Variants in ANKS1B observed in about 807,000 individuals in gnomAD.
The protein encoded by ANKS1B is ankyrin repeat and sterile alpha motif domain containing 1B.
Under a neutral mutation model 148.3 loss-of-function variants are expected in ANKS1B, and 36 were observed. The ratio of observed to expected loss-of-function variants is 0.24; its 90% confidence interval spans 0.19 to 0.32. ANKS1B has a LOEUF of 0.32. ANKS1B is among the 10% of genes least tolerant of loss of function. The pLI, the probability that ANKS1B is intolerant of heterozygous loss-of-function variation, is 1.00. For synonymous variants in ANKS1B, 542 were observed against 560.8 expected (o/e 0.97, Z 0.47); for missense variants, 1,157 against 1,542.6 (o/e 0.75, Z 4.19).
At chr12:99,869,945 A>G (rs1206787260) in intron 1 of ANKS1B, among the ~76,000 whole-genome samples, 1 of 151,820 alleles carries the variant, frequency 6.6e-6, no homozygotes, top group African/African-American at 2.4e-5. Flanking sequence ...TGCTTTTTTT[A>G]TAATTTCAAC....
intron 12 of ANKS1B, among the ~76,000 whole-genome samples, chr12:99,322,079 T>C (rs867439156): frequency 2.6e-5 from 4 of 152,158 alleles, no homozygotes; most frequent in African/African-American, 9.7e-5. Context: ...GCAGCACTAT[T>C]TACAATAGCT....
At chr12:99,185,288 C>T (rs1195339012) in intron 14 of ANKS1B, among the ~76,000 whole-genome samples, 2 of 152,060 alleles carry the variant, frequency 1.3e-5, no homozygotes, top group African/African-American at 4.8e-5. Context: ...CGTTGAGCCT[C>T]AAAGGAATAA....
At chr12:98,917,004 T>C (rs2099795304) in intron 17 of ANKS1B, among the ~76,000 whole-genome samples, 1 of 149,390 alleles carries the variant, frequency 6.7e-6, no homozygotes, top group Non-Finnish European at 1.5e-5. Context: ...TCTGTCACCC[T>C]GGCTGGAGTG....
At chr12:99,708,042 A>C (rs1172278934) in intron 8 of ANKS1B, among the ~76,000 whole-genome samples, 1 of 152,136 alleles carries the variant, frequency 6.6e-6, no homozygotes, top group African/African-American at 2.4e-5. Flanking sequence ...GGGGGTCTGA[A>C]TCTGTCAGTG....
intron 2 of ANKS1B, among the ~76,000 whole-genome samples, chr12:99,819,544 G>A (rs1335597661): frequency 2.6e-5 from 4 of 151,578 alleles, no homozygotes; most frequent in African/African-American, 7.3e-5. Flanking sequence ...ACTTTAAAAG[G>A]TAGAAGAATA....
intron 25 of ANKS1B, among the ~76,000 whole-genome samples, chr12:98,759,703 C>A (rs2098355022): frequency 6.6e-6 from 1 of 152,158 alleles, no homozygotes; most frequent in African/African-American, 2.4e-5. Context: ...TATTAGAGGA[C>A]TGATTAAGTA....
chr12:99,860,004 T>A (rs1423146148), intron 1 of ANKS1B, among the ~76,000 whole-genome samples: 2 of 152,198 alleles, frequency 1.3e-5, no homozygotes, highest in Non-Finnish European at 2.9e-5. Context: ...TCTCAAGAAT[T>A]ACTACTTCTC....
intron 8 of ANKS1B, among the ~76,000 whole-genome samples, chr12:99,674,784 TAAAA>T (rs921768445): frequency 6.6e-6 from 1 of 151,744 alleles, no homozygotes; most frequent in Admixed American, 6.6e-5. Flanking sequence ...TTCATTTCAT[TAAAA>T]AAATTAACCC....
At chr12:98,766,438 A>C (rs1295051747) in intron 25 of ANKS1B, among the ~76,000 whole-genome samples, 3 of 152,160 alleles carry the variant, frequency 2.0e-5, no homozygotes, top group African/African-American at 7.2e-5. Context: ...CTTCTCTTTT[A>C]CCTGTAGGTT....
At chr12:99,542,096 C>A (rs1014865831) in intron 9 of ANKS1B, among the ~76,000 whole-genome samples, 1 of 151,968 alleles carries the variant, frequency 6.6e-6, no homozygotes, top group Non-Finnish European at 1.5e-5. Context: ...CAAACAGCAT[C>A]CAGATTGGAA....
chr12:99,712,867 C>T (rs2056823543), intron 8 of ANKS1B, among the ~76,000 whole-genome samples: 1 of 151,670 alleles, frequency 6.6e-6, no homozygotes, highest in Non-Finnish European at 1.5e-5. Flanking sequence ...AGGGTCCATC[C>T]TCTGGGCCCG....
chr12:99,884,314 A>G lies in ANKS1B; in HGVS notation c.135-58925T>C, dbSNP rs906985204. Among the ~76,000 whole-genome samples, 4 of 152,306 alleles carry G rather than the reference A, an allele frequency of 2.6e-5. No individual in the cohort carries two copies. The South Asian group carries it at 6.2e-4, about 24-fold the overall frequency. On this transcript the variant is annotated intron_variant, in intron 1 of 26. Coordinates refer to ENST00000683438, the MANE Select transcript of ANKS1B (RefSeq NM_001352186.2). ...TCTGAAACATTGCTGATGGGAATGTAATATTACAGCCACTTTGGAAAAGTT... is the reference window on the plus strand; with the variant it reads ...TCTGAAACATTGCTGATGGGAATGTGATATTACAGCCACTTTGGAAAAGTT...
Position 98,745,643 on chromosome 12 carries a change from T to G in ANKS1B, c.*96A>C. The G allele has an allele frequency of 1.3e-6, 2 of 1,536,210 alleles. No homozygotes were observed. Among genetic ancestry groups the G allele is most frequent in the African/African-American group, 1.4e-5 (1 of 72,508 alleles). ...CAAGGCCGCACGCTCAGAGCAGTCT[T>G]CCTCCTGGGCTGGGTGGACGCGGAG... On this transcript the variant is annotated 3_prime_UTR_variant, in exon 27 of 27. Transcript: ENST00000683438.
chr12:98,957,788 G>A (rs1207112383), intron 17 of ANKS1B, among the ~76,000 whole-genome samples: 1 of 152,070 alleles, frequency 6.6e-6, no homozygotes, highest in Non-Finnish European at 1.5e-5. Context: ...GTAGCTTGTG[G>A]GGGACTGATA....
intron 1 of ANKS1B, among the ~76,000 whole-genome samples, chr12:99,963,892 A>C (rs1025918883): frequency 7.9e-5 from 12 of 152,206 alleles, no homozygotes; most frequent in Non-Finnish European, 1.6e-4. Context: ...ACTTGCTGGA[A>C]TCCTTATCTC....
chr12:99,246,877 G>GGAA lies in ANKS1B; in HGVS notation c.1757-16_1757-14dup. 1 of 1,555,694 alleles carries GGAA rather than the reference G, an allele frequency of 6.4e-7. No homozygotes were observed. Among genetic ancestry groups the GGAA allele is most frequent in the Non-Finnish European group, 8.6e-7 (1 of 1,160,216 alleles). ...CGGGAGAGGTCATCTGCAAAAGGAA[G>GGAA]GAAGGGATATCAGGGTTTATAAAGG... is the stretch of plus-strand genomic sequence containing the variant. On this transcript the variant is annotated splice_polypyrimidine_tract_variant and intron_variant, in intron 12 of 26. Coordinates refer to ENST00000683438, the MANE Select transcript of ANKS1B (RefSeq NM_001352186.2).
rs2098639307 is a variant in ANKS1B at position 99,684,608 on chromosome 12, C to G, written c.1129-29398G>C. ...AATTTATATGGAGTCAAAAAAGAGC[C>G]TGCATAGCCAGAGCAAGACTACTCC... On this transcript the variant is annotated intron_variant, in intron 8 of 26. Transcript: ENST00000683438. Among the ~76,000 whole-genome samples the G allele has an allele frequency of 3.3e-5, 5 of 151,966 alleles. No homozygotes were observed. In the South Asian group the frequency reaches 1.0e-3, roughly 32 times the overall value.
chr12:99,536,803 G>A (rs2097073061), intron 9 of ANKS1B, among the ~76,000 whole-genome samples: 2 of 151,946 alleles, frequency 1.3e-5, no homozygotes. Context: ...GTAGAGTTAA[G>A]TTATAATTTA....
chr12:99,974,452 T>G (rs2095600807), intron 1 of ANKS1B, among the ~76,000 whole-genome samples: 1 of 152,288 alleles, frequency 6.6e-6, no homozygotes, highest in South Asian at 2.1e-4. Context: ...AAAATGGGTT[T>G]ATATAATCCA....
Sources: allele counts gnomAD v4.1 joint callset (sites outside exome capture counted in the v4.1 genomes callset), GRCh38; gene constraint gnomAD v4.1.1; transcripts MANE v1.5; gene names NCBI Gene and HGNC (gene_info 2026-07-23, HGNC 2026-07-21).